ASH1L: variants seen among roughly 807,000 people sequenced by gnomAD.
ASH1L encodes histone-lysine N-methyltransferase ASH1L.
ASH1L carries 23 observed loss-of-function variants against 269.0 expected under a neutral mutation model. The ratio of observed to expected loss-of-function variants is 0.09; its 90% confidence interval spans 0.06 to 0.12. ASH1L has a LOEUF of 0.12. Among genes scored for constraint, ASH1L ranks in the 10% least tolerant of loss-of-function variants. The pLI, the probability that ASH1L is intolerant of heterozygous loss-of-function variation, is 1.00. For synonymous variants in ASH1L, 1,187 were observed against 1,253.5 expected (o/e 0.95, Z 1.12); for missense variants, 2,912 against 3,567.8 (o/e 0.82, Z 4.68).
At position 155,380,112 on chromosome 1, in the gene ASH1L, C is replaced by T. The variant is rs1043809449; in HGVS notation, c.6108G>A (p.Lys2036=). 24 of 1,611,162 alleles carry T rather than the reference C, an allele frequency of 1.5e-5. No homozygotes were observed. The highest frequency in any genetic ancestry group is 1.7e-5 in the Non-Finnish European group (20 of 1,177,846). Residue 2036 remains lysine, a synonymous_variant, in exon 8 of 28, where the codon AAG becomes AAA. Coordinates refer to ENST00000392403, the MANE Select transcript of ASH1L (RefSeq NM_018489.3). The part of the protein sequence containing the change: ...GLFPAPIHVG[K]YLRQKRIDFQ... ...AGTCAATTCTCTTTTGTCTTAGATA[C>T]TTTCCTGAAACAAAAAACACTATTA... is the stretch of plus-strand genomic sequence containing the variant.
At chr1:155,442,926 C>A (rs1278582709) in intron 4 of ASH1L, among the ~76,000 whole-genome samples, 1 of 152,108 alleles carries the variant, frequency 6.6e-6, no homozygotes, top group Non-Finnish European at 1.5e-5. Context: ...TTTACCTGAC[C>A]AGGAAGCACC....
Position 155,480,536 on chromosome 1 carries a change from T to A in ASH1L, c.2334A>T (p.Arg778=). 6.2e-7 allele frequency: 1 copy of A among 1,614,108 alleles called. No individual in the cohort carries two copies. Among genetic ancestry groups the A allele is most frequent in the Non-Finnish European group, 8.5e-7 (1 of 1,179,954 alleles). ...SFVDHDFLKR[R]LPKLSKSTAP... ...CTGTGGATTTGCTCAACTTTGGCAA[T>A]CGGCGTTTAAGGAAGTCATGATCTA... The change falls in exon 3 of 28, where the codon CGA becomes CGT. Residue 778 remains arginine (R), a synonymous_variant. Coordinates refer to ENST00000392403, the MANE Select transcript of ASH1L (RefSeq NM_018489.3).
Position 155,555,195 on chromosome 1 carries a change from C to G in ASH1L, c.-100+6958G>C, listed in dbSNP as rs144236859. 1.4e-3 allele frequency among the ~76,000 whole-genome samples: 209 copies of G among 149,532 alleles called. 1 individual carries two copies. The highest frequency in any genetic ancestry group is 4.9e-3 in the African/African-American group (201 of 40,864). On this transcript the variant is annotated intron_variant, in intron 1 of 27. Coordinates refer to ENST00000392403, the MANE Select transcript of ASH1L (RefSeq NM_018489.3). ...TGACCTACAGTTATTTGACTTTCTT[C>G]CTCTTAAAATTAAACACACAGGCCA...
At chr1:155,513,159 T>A (rs1348997848) in intron 2 of ASH1L, among the ~76,000 whole-genome samples, 2 of 152,136 alleles carry the variant, frequency 1.3e-5, no homozygotes, top group African/African-American at 4.8e-5. Context: ...ACAGAATAAC[T>A]GTTACCGAGG....
intron 7 of ASH1L, among the ~76,000 whole-genome samples, chr1:155,385,537 G>A (rs1280984300): frequency 6.6e-6 from 1 of 151,816 alleles, no homozygotes; most frequent in East Asian, 1.9e-4. Flanking sequence ...GCTCACTAAG[G>A]CATTTTTATC....
chr1:155,438,908 T>G lies in ASH1L; in HGVS notation c.5247A>C (p.Pro1749=). 1 of 1,614,174 alleles carries G rather than the reference T, an allele frequency of 6.2e-7. No individual in the cohort carries two copies. The highest frequency in any genetic ancestry group is 1.7e-5 in the Admixed American group (1 of 60,010). ...TTCGGTCCTTGCTGTGGCTACGGCCTGGACTGGAAGAAGGTGGTGCAGAGG... is the reference window on the plus strand; with the variant it reads ...TTCGGTCCTTGCTGTGGCTACGGCCGGGACTGGAAGAAGGTGGTGCAGAGG... The part of the protein sequence containing the change: ...ATASAPPSSS[P]GRSHSKDRTL... Residue 1749 remains proline, a synonymous_variant, in exon 5 of 28, where the codon CCA becomes CCC. Coordinates refer to ENST00000392403, the MANE Select transcript of ASH1L (RefSeq NM_018489.3).
chr1:155,389,158 A>G (rs1004389431), intron 7 of ASH1L, among the ~76,000 whole-genome samples: 2 of 151,626 alleles, frequency 1.3e-5, no homozygotes, highest in Non-Finnish European at 2.9e-5. Context: ...GGCATCCACT[A>G]TCACTCCTGG....
intron 12 of ASH1L, among the ~76,000 whole-genome samples, chr1:155,365,778 C>T (rs1423797863): frequency 1.3e-5 from 2 of 152,140 alleles, no homozygotes; most frequent in African/African-American, 4.8e-5. Context: ...GGTTCCTGAC[C>T]CGTGATATCA....
intron 1 of ASH1L, among the ~76,000 whole-genome samples, chr1:155,525,083 A>G (rs1669153451): frequency 6.6e-6 from 1 of 152,016 alleles, no homozygotes; most frequent in Non-Finnish European, 1.5e-5. Context: ...CCCTCTCTCT[A>G]CAAAAAATAA....
intron 10 of ASH1L, among the ~76,000 whole-genome samples, chr1:155,372,501 GT>G (rs930401974): frequency 1.3e-5 from 2 of 151,452 alleles, no homozygotes; most frequent in African/African-American, 4.9e-5. Context: ...TAGAGACGAG[GT>G]TTTGCCATGT....
chr1:155,357,366 T>C lies in ASH1L; in HGVS notation c.7005A>G (p.Pro2335=). The C allele has an allele frequency of 1.2e-6, 2 of 1,613,956 alleles. No homozygotes were observed. The highest frequency in any genetic ancestry group is 2.2e-5 in the South Asian group (2 of 91,076). Residue 2335 remains proline (P), a synonymous_variant, in exon 15 of 28, where the codon CCA becomes CCG. Coordinates refer to ENST00000392403, the MANE Select transcript of ASH1L (RefSeq NM_018489.3). ...TCTGTAATTGGGGGGTCAATCTAGT[T>C]GGGGTGTTGATATTTTCACTGGGTT... ...SEEPSENINT[P]TRLTPQLQMK...
rs573277571 is a variant in ASH1L, at chr1:155,465,301, A to C, written c.4985-5403T>G. On this transcript the variant is annotated intron_variant, in intron 3 of 27. Coordinates refer to ENST00000392403, the MANE Select transcript of ASH1L (RefSeq NM_018489.3). ...AAATACAAATTAGCAAAAAAAAAAA[A>C]AAAAAAAAAAACAGTGAATTAAATC... Among the ~76,000 whole-genome samples the C allele has an allele frequency of 4.7e-3, 708 of 151,534 alleles. 6 individuals are homozygous for C. Among genetic ancestry groups the C allele is most frequent in the Middle Eastern group, 0.014 (4 of 294 alleles).
chr1:155,429,007 C>CAT lies in ASH1L; in HGVS notation c.5828+9318_5828+9319dup, dbSNP rs140134856. Reference sequence around the variant, plus strand: ...GTCTCCCCGACCGAGCTGGTCTCGGCATATATATATATACAATGCTTTAGA... The same window carrying CAT: ...GTCTCCCCGACCGAGCTGGTCTCGGCATATATATATATATACAATGCTTTAGA... On this transcript the variant is annotated intron_variant, in intron 5 of 27. Transcript: ENST00000392403. Among the ~76,000 whole-genome samples the CAT allele has an allele frequency of 6.4e-3, 967 of 151,516 alleles. 9 individuals are homozygous for CAT. The highest frequency in any genetic ancestry group is 0.022 in the African/African-American group (918 of 41,354).
intron 2 of ASH1L, among the ~76,000 whole-genome samples, chr1:155,520,639 G>A (rs1668821232): frequency 6.6e-6 from 1 of 151,914 alleles, no homozygotes; most frequent in Non-Finnish European, 1.5e-5. Context: ...AAGGTGGACG[G>A]ATCACCTGAG....
In ASH1L at chr1:155,341,922, G is replaced by A; in HGVS notation, c.8460+14C>T. The A allele has an allele frequency of 6.2e-7, 1 of 1,613,488 alleles. No individual in the cohort carries two copies. The highest frequency in any genetic ancestry group is 8.5e-7 in the Non-Finnish European group (1 of 1,179,434). ...TGTCCTAACATGTAGTGTTAAGAAAGGAAGGAGACTCACCGAGAAATCTTT... is the reference window on the plus strand; with the variant it reads ...TGTCCTAACATGTAGTGTTAAGAAAAGAAGGAGACTCACCGAGAAATCTTT... On this transcript the variant is annotated intron_variant, in intron 25 of 27. Coordinates refer to ENST00000392403, the MANE Select transcript of ASH1L (RefSeq NM_018489.3).
rs755242103 is a variant in ASH1L, at chr1:155,395,580, G to A, written c.6009-27C>T. ...TGTGATAAAAAAAGAATGGGAAACA[G>A]TCAAGAGGCAAAGAAATTTCCTCCT... On this transcript the variant is annotated intron_variant, in intron 6 of 27. Transcript: ENST00000392403. The A allele has an allele frequency of 1.1e-5, 17 of 1,564,444 alleles. No individual in the cohort carries two copies. In the Admixed American group the frequency reaches 1.1e-4, roughly 10 times the overall value.
intron 24 of ASH1L, among the ~76,000 whole-genome samples, chr1:155,342,536 A>G (rs1652905779): frequency 6.6e-6 from 1 of 152,190 alleles, no homozygotes; most frequent in Non-Finnish European, 1.5e-5. Flanking sequence ...TTTGGAATGG[A>G]ATACGTAGTC....
At chr1:155,366,989 GTTTTTT>G (rs896488958) in intron 12 of ASH1L, among the ~76,000 whole-genome samples, 1 of 124,196 alleles carries the variant, frequency 8.1e-6, no homozygotes, top group Non-Finnish European at 1.7e-5. Context: ...AATGGGTTTG[GTTTTTT>G]TTTTTTTTTT....
intron 5 of ASH1L, among the ~76,000 whole-genome samples, chr1:155,432,041 T>C (rs944000748): frequency 5.9e-5 from 9 of 152,258 alleles, no homozygotes; most frequent in Non-Finnish European, 1.3e-4. Context: ...AAATTCTTCC[T>C]GTGCATTCTG....
Sources: allele counts gnomAD v4.1 joint callset (sites outside exome capture counted in the v4.1 genomes callset), GRCh38; gene constraint gnomAD v4.1.1; transcripts MANE v1.5; gene names NCBI Gene and HGNC (gene_info 2026-07-23, HGNC 2026-07-21).